The following RBM38 variants were observed in gnomAD, a reference collection of about 807,000 sequenced individuals.
The protein encoded by RBM38 is RNA binding motif protein 38.
RBM38 carries 11 observed loss-of-function variants against 23.5 expected under a neutral mutation model. That is an observed-to-expected ratio of 0.47 (90% CI 0.29 to 0.77). RBM38 has a LOEUF of 0.77. Ranked by LOEUF, RBM38 falls within the 30% of genes least tolerant of loss-of-function variation. The probability of loss-of-function intolerance (pLI) is 0.08; values close to 1 mark genes in which losing one functional copy is unlikely to be tolerated. For missense variants in RBM38, 330 were observed against 351.9 expected (o/e 0.94, Z 0.50); for synonymous variants, 165 against 166.1 (o/e 0.99, Z 0.05).
intron 3 of RBM38, among the ~76,000 whole-genome samples, chr20:57,405,285 C>T (rs2146219016): frequency 6.6e-6 from 1 of 152,382 alleles, no homozygotes; most frequent in South Asian, 2.1e-4. Flanking sequence ...CTGTGGTCTG[C>T]TCCTCTCTGC....
Position 57,407,749 on chromosome 20 carries a change from C to T in RBM38, c.623C>T (p.Pro208Leu), listed in dbSNP as rs573133688. Residue 208 changes from proline (P) to leucine (L), a missense_variant, in exon 4 of 4, where the codon CCT (proline) becomes CTT (leucine). Pro to Leu is a moderately conservative substitution (Grantham distance 98). Around this residue, in one of 3 missense-constraint regions of RBM38, gnomAD observed 227 missense variants for 216.4 expected, o/e 1.05. Transcript: ENST00000356208. The surrounding 1 kb of genome is among the most constrained non-coding windows in gnomAD (Gnocchi z 4.0). Reference protein sequence around the residue: ...TAASFVGYSYPAAVPQALSAA... With the variant: ...TAASFVGYSYLAAVPQALSAA... Reference sequence around the variant, plus strand: ...GCCAGCTTCGTGGGCTACAGCTACCCTGCCGCCGTGCCCCAGGCCCTCTCA... The same window carrying T: ...GCCAGCTTCGTGGGCTACAGCTACCTTGCCGCCGTGCCCCAGGCCCTCTCA... 3 of 1,610,692 alleles carry T rather than the reference C, an allele frequency of 1.9e-6. No homozygotes were observed. Among genetic ancestry groups the T allele is most frequent in the Admixed American group, 3.3e-5 (2 of 59,878 alleles).
At chr20:57,397,006 G>A (rs1568807923) in intron 3 of RBM38, among the ~76,000 whole-genome samples, 1 of 152,246 alleles carries the variant, frequency 6.6e-6, no homozygotes, top group Non-Finnish European at 1.5e-5. Flanking sequence ...GGGGCTCTGA[G>A]ATGAGAAGAC....
Position 57,408,091 on chromosome 20 carries a change from G to C in RBM38, c.*245G>C, listed in dbSNP as rs1470320644. On this transcript the variant is annotated 3_prime_UTR_variant, in exon 4 of 4. Transcript: ENST00000356208. ...GAATGACTGAGAACTATTTAAAGACGCAATCCCAGGTTCCTTGCACACCAT... is the reference window on the plus strand; with the variant it reads ...GAATGACTGAGAACTATTTAAAGACCCAATCCCAGGTTCCTTGCACACCAT... 7.2e-5 allele frequency: 41 copies of C among 573,366 alleles called. No homozygotes were observed. In the South Asian group the frequency reaches 8.4e-4, roughly 12 times the overall value. The allele number at this position is 573,366 out of a possible 1,614,324, so 35.5% of individuals were successfully genotyped here. A position where few individuals can be genotyped will look rare whatever the true frequency, so the allele number is the denominator to read the frequency against.
chr20:57,395,365 C>T (rs942490205), intron 3 of RBM38, among the ~76,000 whole-genome samples: 2 of 152,136 alleles, frequency 1.3e-5, no homozygotes, highest in African/African-American at 4.8e-5. Flanking sequence ...CGACCTTTCC[C>T]TTGCTGTCCT....
At chr20:57,391,858 A>G in intron 1 of RBM38, 40 bp downstream of exon 1, 1 of 1,367,646 alleles carries the variant, frequency 7.3e-7, no homozygotes, top group South Asian at 1.4e-5. Flanking sequence ...CCCGCCGCAC[A>G]CCTTATCGCG....
At position 57,392,731 on chromosome 20, in the gene RBM38, C is replaced by G; in HGVS notation, c.315C>G (p.Asn105Lys). The part of the protein sequence containing the change: ...PNPIIDGRKA[N>K]VNLAYLGAKP... ...CCATCATCGACGGCCGCAAGGCCAA[C>G]GTGAACCTGGCATATCTGGGCGCCA... is the stretch of plus-strand genomic sequence containing the variant. Residue 105 changes from asparagine to lysine, a missense_variant, in exon 2 of 4, where the codon AAC (asparagine) becomes AAG (lysine). Around this residue, in one of 3 missense-constraint regions of RBM38, gnomAD observed 227 missense variants for 216.4 expected, o/e 1.05. Coordinates refer to ENST00000356208, the MANE Select transcript of RBM38 (RefSeq NM_017495.6). 6.2e-7 allele frequency: 1 copy of G among 1,613,022 alleles called. No individual in the cohort carries two copies. Among genetic ancestry groups the G allele is most frequent in the Admixed American group, 1.7e-5 (1 of 60,020 alleles).
chr20:57,392,762 C>T lies in RBM38; in HGVS notation c.346C>T (p.Arg116Trp). ...VNLAYLGAKP[R>W]SLQTGFAIGV... ...CCTGGCATATCTGGGCGCCAAGCCG[C>T]GGAGCCTCCAGACGGGTGAGAGCTT... The change falls in exon 2 of 4, where the codon CGG becomes TGG. Residue 116 changes from arginine (R) to tryptophan (W), a missense_variant. Arg to Trp is a moderately radical substitution (Grantham distance 101). Around this residue, in one of 3 missense-constraint regions of RBM38, gnomAD observed 227 missense variants for 216.4 expected, o/e 1.05. Coordinates refer to ENST00000356208, the MANE Select transcript of RBM38 (RefSeq NM_017495.6). The T allele has an allele frequency of 6.2e-7, 1 of 1,613,106 alleles. No homozygotes were observed. Among genetic ancestry groups the T allele is most frequent in the Non-Finnish European group, 8.5e-7 (1 of 1,179,796 alleles).
At position 57,408,161 on chromosome 20, in the gene RBM38, T is replaced by G; in HGVS notation, c.*315T>G. ...TTCTCCTGCCTCTCCACACTCCAGGTTCCCTCAGGCTTGTGTCCCCACTGC... is the reference window on the plus strand; with the variant it reads ...TTCTCCTGCCTCTCCACACTCCAGGGTCCCTCAGGCTTGTGTCCCCACTGC... On this transcript the variant is annotated 3_prime_UTR_variant, in exon 4 of 4. Transcript: ENST00000356208. 2.3e-5 allele frequency: 10 copies of G among 439,626 alleles called. No individual in the cohort carries two copies. The highest frequency in any genetic ancestry group is 6.6e-4 in the Middle Eastern group (1 of 1,504). The allele number at this position is 439,626 out of a possible 1,614,324, so 27.2% of individuals were successfully genotyped here.
At chr20:57,392,525 C>T (rs2067230637) in intron 1 of RBM38, 129 bp from the exon 2 acceptor site, 1 of 1,522,938 alleles carries the variant, frequency 6.6e-7, no homozygotes, top group Non-Finnish European at 8.8e-7. Flanking sequence ...CTCAAGGACC[C>T]TGGGTCACAG....
chr20:57,392,495 A>G lies in RBM38; in HGVS notation c.238-159A>G, dbSNP rs576922545. The G allele has an allele frequency of 1.9e-4, 286 of 1,530,496 alleles. 1 individual carries two copies. In the African/African-American group the frequency reaches 3.1e-3, roughly 17 times the overall value. The allele number at this position is 1,530,496 out of a possible 1,614,324, so 94.8% of individuals were successfully genotyped here. A position where few individuals can be genotyped will look rare whatever the true frequency, so the allele number is the denominator to read the frequency against. ...GCATCTTTGTGGGAGAGCCCCAGGT[A>G]GGGTTCAGAGGAGCTTTGGCTCAAG... On this transcript the variant is annotated intron_variant, in intron 1 of 3. Transcript: ENST00000356208.
At chr20:57,399,816 C>A (rs543732314) in intron 3 of RBM38, 19 of 449,742 alleles carry the variant, frequency 4.2e-5, no homozygotes, top group South Asian at 2.5e-4. Context: ...CCCAGCCAGG[C>A]GGGAGTCAGA....
At chr20:57,406,918 C>T (rs375411043) in intron 3 of RBM38, among the ~76,000 whole-genome samples, 10 of 149,268 alleles carry the variant, frequency 6.7e-5, no homozygotes, top group Admixed American at 4.7e-4. Flanking sequence ...GGCGTGAACC[C>T]GGGTGGCGGA....
intron 1 of RBM38, 157 bp from the exon 2 acceptor site, chr20:57,392,495 AGG>A (rs2067230454): frequency 6.5e-7 from 1 of 1,530,380 alleles, no homozygotes; most frequent in Admixed American, 2.0e-5. Flanking sequence ...AGCCCCAGGT[AGG>A]GTTCAGAGGA....
rs1474529057 is a variant in RBM38 at position 57,391,473 on chromosome 20, TCGGGCCTGGCGGCTGGA to T, written c.-103_-87del. 1 of 172,476 alleles carries T rather than the reference TCGGGCCTGGCGGCTGGA, an allele frequency of 5.8e-6. No individual in the cohort carries two copies. Among genetic ancestry groups the T allele is most frequent in the African/African-American group, 2.5e-5 (1 of 40,032 alleles). The allele number at this position is 172,476 out of a possible 1,614,324, so 10.7% of individuals were successfully genotyped here. A position where few individuals can be genotyped will look rare whatever the true frequency, so the allele number is the denominator to read the frequency against. ...CACGGCGGGACGGGCGCCGGAGTGG[TCGGGCCTGGCGGCTGGA>T]CGGGCGCCCCTCGCTGCCCCGCGCG... On this transcript the variant is annotated 5_prime_UTR_variant, in exon 1 of 4. Coordinates refer to ENST00000356208, the MANE Select transcript of RBM38 (RefSeq NM_017495.6).
intron 3 of RBM38, among the ~76,000 whole-genome samples, chr20:57,398,876 C>A (rs1379591813): frequency 6.6e-6 from 1 of 152,212 alleles, no homozygotes; most frequent in East Asian, 1.9e-4. Context: ...CCAGGGTGGA[C>A]AGGCTGATAA....
chr20:57,394,227 G>C (rs996855383), intron 3 of RBM38, among the ~76,000 whole-genome samples: 6 of 152,186 alleles, frequency 3.9e-5, no homozygotes, highest in Non-Finnish European at 7.3e-5. Context: ...TGCGCACCAC[G>C]TAGATTCCAT....
chr20:57,399,974 T>C (rs761113520), intron 3 of RBM38: 37 of 456,290 alleles, frequency 8.1e-5, no homozygotes, highest in South Asian at 5.7e-4. Flanking sequence ...CCGTGGTCAG[T>C]TCTTTTCGCT....
chr20:57,406,427 C>A (rs906640347), intron 3 of RBM38, among the ~76,000 whole-genome samples: 4 of 152,202 alleles, frequency 2.6e-5, no homozygotes, highest in African/African-American at 9.6e-5. Flanking sequence ...ACTCCTGGCC[C>A]CTCCACCTCA....
Position 57,398,258 on chromosome 20 carries a change from G to A in RBM38, c.416+4925G>A, listed in dbSNP as rs868821094. Among the ~76,000 whole-genome samples, 1,121 of 141,498 alleles carry A rather than the reference G, an allele frequency of 7.9e-3. 20 individuals are homozygous for A. Among genetic ancestry groups the A allele is most frequent in the African/African-American group, 0.033 (1,054 of 31,574 alleles). The allele number at this position is 141,498 out of a possible 152,430, so 92.8% of individuals were successfully genotyped here. ...TGTTTGCAGGTGATGGCGTGTGTGT[G>A]TGTGTGTGTGTGTGTGTACGCACGC... is the stretch of plus-strand genomic sequence containing the variant. On this transcript the variant is annotated intron_variant, in intron 3 of 3. Transcript: ENST00000356208.
Sources: gnomAD v4.1 joint callset for allele counts (sites outside exome capture counted in the v4.1 genomes callset) on GRCh38, gnomAD v4.1.1 for gene constraint, gnomAD v4.1.1 regional missense constraint, Gnocchi (gnomAD v3.1) non-coding constraint, MANE v1.5 for transcripts, NCBI Gene and HGNC (gene_info 2026-07-23, HGNC 2026-07-21) for gene names.